Variants in TMC6 observed in about 807,000 individuals in gnomAD.
TMC6 encodes the protein transmembrane channel-like protein 6.
In TMC6, 71 loss-of-function variants were observed where a neutral mutation model predicts 95.4. The ratio of observed to expected loss-of-function variants is 0.74; its 90% CI spans 0.61 to 0.91. The LOEUF (loss-of-function observed/expected upper bound fraction) is 0.91. TMC6 is among the 40% of genes least tolerant of loss of function. The pLI, the probability that TMC6 is intolerant of heterozygous loss-of-function variation, is 0.00. For synonymous variants in TMC6, 514 were observed against 483.1 expected (o/e 1.06, Z -0.84); for missense variants, 1,074 against 1,079.1 (o/e 1.00, Z 0.07).
intron 18 of TMC6, chr17:78,113,867 A>C (rs1181281958): frequency 3.8e-6 from 2 of 527,374 alleles, no homozygotes; most frequent in Non-Finnish European, 6.9e-6. Flanking sequence ...AAATGTAATC[A>C]GCAGCCCAGA....
Position 78,121,320 on chromosome 17 carries a change from A to G in TMC6, c.1384-156T>C, listed in dbSNP as rs2073284. ...CTCAAGTTCAAACCACACAGGAAGC[A>G]GGGAGGGGTACAAGTAGTGGAAAAG... On this transcript the variant is annotated intron_variant, in intron 11 of 19. Coordinates refer to ENST00000590602, the MANE Select transcript of TMC6 (RefSeq NM_001127198.5). The surrounding 1 kb of genome is among the most constrained non-coding windows in gnomAD (Gnocchi z 5.6). 0.63 allele frequency among the ~76,000 whole-genome samples: 95,577 copies of G among 152,078 alleles called. 30,877 individuals carry two copies. The highest frequency in any genetic ancestry group is 0.79 in the African/African-American group (32,728 of 41,490).
In TMC6 at chr17:78,117,551, G is replaced by A. The variant is rs1188902333; in HGVS notation, c.2115C>T (p.Gly705=). 3 of 1,598,078 alleles carry A rather than the reference G, an allele frequency of 1.9e-6. No homozygotes were observed. The highest frequency in any genetic ancestry group is 2.6e-6 in the Non-Finnish European group (3 of 1,174,094). ...RVWVRHLEAA[G]PRVSWLPWVH... is the part of the protein sequence containing the mutation. ...CCCAGGGCAGCCAGGAGACCCTGGG[G>A]CCTGCCGCCTCCAGGTGGCGCACCC... Residue 705 remains glycine (G), a synonymous_variant, in exon 17 of 20, where the codon GGC becomes GGT. Coordinates refer to ENST00000590602, the MANE Select transcript of TMC6 (RefSeq NM_001127198.5).
chr17:78,116,907 C>G (rs577944855), intron 18 of TMC6, among the ~76,000 whole-genome samples: 4 of 152,300 alleles, frequency 2.6e-5, no homozygotes, highest in Middle Eastern at 3.4e-3. Context: ...AGTCCTAACT[C>G]TCAACCTTAA....
In TMC6 at chr17:78,112,720, G is replaced by A. The variant is rs182681769; in HGVS notation, c.*428C>T. On this transcript the variant is annotated 3_prime_UTR_variant, in exon 20 of 20. Transcript: ENST00000590602. The stretch of plus-strand genomic sequence containing the variant: ...GCAGGTGTAAGCCCCTCCTGGGCGC[G>A]AGTTCAGGCTGGTCAAAGGCAGCAA... 4 of 247,040 alleles carry A rather than the reference G, an allele frequency of 1.6e-5. No homozygotes were observed. Among genetic ancestry groups the A allele is most frequent in the South Asian group, 5.3e-5 (1 of 18,834 alleles). The allele number at this position is 247,040 out of a possible 1,614,324, so 15.3% of individuals were successfully genotyped here.
rs779755857 is a variant in TMC6 at position 78,120,647 on chromosome 17, C to T, written c.1715+6G>A. The T allele has an allele frequency of 3.0e-5, 49 of 1,613,920 alleles. No individual in the cohort carries two copies. The highest frequency in any genetic ancestry group is 3.9e-5 in the Non-Finnish European group (46 of 1,180,022). On this transcript the variant is annotated splice_donor_region_variant and intron_variant, in intron 13 of 19. Coordinates refer to ENST00000590602, the MANE Select transcript of TMC6 (RefSeq NM_001127198.5). The stretch of plus-strand genomic sequence containing the variant: ...TCACCACCCAGTCCGCCCAGGACCC[C>T]CTCACCTCCACACCAGTTCCCCAAA...
At chr17:78,132,083 C>T, upstream of TMC6, 1 of 1,534,426 alleles carries the variant, frequency 6.5e-7, no homozygotes, top group South Asian at 1.2e-5. Flanking sequence ...GCCCCACTGC[C>T]CAGATCGGAA....
chr17:78,131,634 C>G, upstream of TMC6: 1 of 1,554,580 alleles, frequency 6.4e-7, no homozygotes, highest in Non-Finnish European at 8.7e-7. Flanking sequence ...CCCTGGGGTG[C>G]CGGAGCCGGA....
At chr17:78,126,048 C>A in intron 4 of TMC6, 164 bp from the exon 5 acceptor site, 1 of 1,182,138 alleles carries the variant, frequency 8.5e-7, no homozygotes, top group South Asian at 1.4e-5. Context: ...CCTATTTTTA[C>A]CCCGTGATGA....
At position 78,126,815 on chromosome 17, in the gene TMC6, G is replaced by A. The variant is rs2074743381; in HGVS notation, c.18C>T (p.Ala6=). 1.2e-6 allele frequency: 2 copies of A among 1,612,908 alleles called. No homozygotes were observed. Among genetic ancestry groups the A allele is most frequent in the Non-Finnish European group, 1.7e-6 (2 of 1,179,966 alleles). The change falls in exon 2 of 20, where the codon GCC becomes GCT. Residue 6 remains alanine, a synonymous_variant. Coordinates refer to ENST00000590602, the MANE Select transcript of TMC6 (RefSeq NM_001127198.5). ...GGGTCTCAGGGACATCGAGGATGAA[G>A]GCCAGTGGCTGGGCCATGTCTCTGG... MAQPL[A]FILDVPETPG...
chr17:78,129,077 C>A (rs985546508), upstream of TMC6, among the ~76,000 whole-genome samples: 1 of 151,668 alleles, frequency 6.6e-6, no homozygotes, highest in African/African-American at 2.4e-5. The surrounding 1 kb of genome is among the most constrained non-coding windows in gnomAD (Gnocchi z 4.3). Context: ...CCGCCGAAAG[C>A]CCCAGGGACA....
At chr17:78,131,128 A>C, upstream of TMC6, 1 of 231,266 alleles carries the variant, frequency 4.3e-6, no homozygotes, top group Non-Finnish European at 8.7e-6. Context: ...CGGAAGGGCA[A>C]ACTGCCACGT....
At position 78,119,055 on chromosome 17, in the gene TMC6, G is replaced by C; in HGVS notation, c.1812-9C>G. The C allele has an allele frequency of 1.9e-6, 3 of 1,574,262 alleles. No homozygotes were observed. Among genetic ancestry groups the C allele is most frequent in the Non-Finnish European group, 8.6e-7 (1 of 1,159,740 alleles). On this transcript the variant is annotated splice_polypyrimidine_tract_variant and intron_variant, in intron 14 of 19. Coordinates refer to ENST00000590602, the MANE Select transcript of TMC6 (RefSeq NM_001127198.5). ...AGAAGAGCACCCCCAGCCTGGGGAGGGGGTGGCAGTTCAGGGGCTGCTCCA... is the reference window on the plus strand; with the variant it reads ...AGAAGAGCACCCCCAGCCTGGGGAGCGGGTGGCAGTTCAGGGGCTGCTCCA...
At chr17:78,113,282 C>T (rs2073883907) in intron 19 of TMC6, 71 bp from the exon 20 acceptor site, 3 of 1,499,902 alleles carry the variant, frequency 2.0e-6, no homozygotes, top group Admixed American at 2.1e-5. Flanking sequence ...TGGGCGCAGC[C>T]AAGGCCCGGC....
intron 18 of TMC6, chr17:78,113,964 G>A (rs145375988): frequency 1.8e-4 from 70 of 388,576 alleles, no homozygotes; most frequent in African/African-American, 1.4e-3. Flanking sequence ...GGCAGCATCT[G>A]TAAAGGGGGA....
Position 78,108,705 on chromosome 17 carries a change from T to G in TMC6, c.*4443A>C, listed in dbSNP as rs1434264667. The G allele has an allele frequency of 1.3e-5, 2 of 154,264 alleles. No homozygotes were observed. Among genetic ancestry groups the G allele is most frequent in the African/African-American group, 4.8e-5 (2 of 41,432 alleles). 9.6% of individuals were successfully genotyped at this position (154,264 alleles called of 1,614,324 possible). ...CGCAAAGACCTCGTGGGCCTGGGTG[T>G]CCAGGGCACCATTTCCACCCATGGG... On this transcript the variant is annotated 3_prime_UTR_variant, in exon 20 of 20. Transcript: ENST00000590602.
chr17:78,118,911 C>T, intron 15 of TMC6, 60 bp downstream of exon 15: 1 of 1,531,750 alleles, frequency 6.5e-7, no homozygotes, highest in Non-Finnish European at 8.9e-7. Flanking sequence ...CCAGCTGAGT[C>T]CTGCCCCCAC....
intron 19 of TMC6, 139 bp downstream of exon 19, chr17:78,113,407 CGG>C: frequency 8.1e-7 from 1 of 1,240,070 alleles, no homozygotes; most frequent in Non-Finnish European, 1.2e-6. Context: ...AGGTGGGCGC[CGG>C]GGGGGAGATT....
chr17:78,125,700 T>A lies in TMC6; in HGVS notation c.430+26A>T, dbSNP rs141458473. The A allele has an allele frequency of 0.026, 40,572 of 1,556,152 alleles. 745 individuals are homozygous for A. Among genetic ancestry groups the A allele is most frequent in the South Asian group, 0.067 (5,697 of 84,544 alleles). Reference sequence around the variant, plus strand: ...CCCACCCCAGGCCGGTGTCCGCCACTGGGGCTCCAGTGCCCACTCACTCAC... The same window carrying A: ...CCCACCCCAGGCCGGTGTCCGCCACAGGGGCTCCAGTGCCCACTCACTCAC... On this transcript the variant is annotated intron_variant, in intron 5 of 19. Coordinates refer to ENST00000590602, the MANE Select transcript of TMC6 (RefSeq NM_001127198.5).
chr17:78,120,470 C>G (rs1239679999), intron 13 of TMC6, 183 bp downstream of exon 13: 3 of 976,498 alleles, frequency 3.1e-6, no homozygotes, highest in African/African-American at 3.2e-5. Context: ...ATACACATCA[C>G]TTTGAAACCT....
Sources: allele counts gnomAD v4.1 joint callset (sites outside exome capture counted in the v4.1 genomes callset), GRCh38; gene constraint gnomAD v4.1.1; non-coding constraint Gnocchi (gnomAD v3.1); transcripts MANE v1.5; gene names NCBI Gene and HGNC (gene_info 2026-07-23, HGNC 2026-07-21).